Variants in COG6 observed in about 807,000 individuals in gnomAD.
COG6 encodes the protein conserved oligomeric Golgi complex subunit 6.
Under a neutral mutation model 88.8 loss-of-function variants are expected in COG6, and 74 were observed. The ratio of observed to expected loss-of-function variants is 0.83; its 90% CI spans 0.69 to 1.01. COG6 has a LOEUF of 1.01. Ranked by LOEUF, COG6 falls within the 50% of genes least tolerant of loss-of-function variation. The pLI is 0.00. For synonymous variants in COG6, 286 were observed against 278.7 expected, an observed-to-expected ratio of 1.03 and a Z score of -0.26; for missense variants, 800 against 797.9, an observed-to-expected ratio of 1.00 and a Z score of -0.03.
At chr13:39,715,473 A>G (rs941559715) in intron 13 of COG6, among the ~76,000 whole-genome samples, 3 of 152,072 alleles carry the variant, frequency 2.0e-5, no homozygotes, top group African/African-American at 7.2e-5. Context: ...GAACTGACAC[A>G]TAACGTGTTT....
intron 13 of COG6, among the ~76,000 whole-genome samples, chr13:39,710,380 A>G (rs1391697330): frequency 6.6e-6 from 1 of 152,162 alleles, no homozygotes; most frequent in Non-Finnish European, 1.5e-5. Flanking sequence ...AGAGTAAGCC[A>G]TTGAAGATTT....
chr13:39,788,286 A>C (rs1411310329), intron 18 of COG6: 1 of 1,547,288 alleles, frequency 6.5e-7, no homozygotes, highest in Non-Finnish European at 8.7e-7. Context: ...CAAAGCAGGA[A>C]ACTGCACCAT....
chr13:39,662,880 A>G (rs1397157073), intron 3 of COG6, among the ~76,000 whole-genome samples: 1 of 152,082 alleles, frequency 6.6e-6, no homozygotes, highest in Non-Finnish European at 1.5e-5. Context: ...TAAGTTATTC[A>G]TAAAGAAAAG....
At chr13:39,703,549 C>G (rs962793106) in intron 13 of COG6, among the ~76,000 whole-genome samples, 1 of 152,098 alleles carries the variant, frequency 6.6e-6, no homozygotes, top group African/African-American at 2.4e-5. Context: ...TCTGACACAT[C>G]AACTTTTAAT....
downstream of COG6, among the ~76,000 whole-genome samples, chr13:39,753,818 ACT>A (rs1566040664): frequency 6.7e-6 from 1 of 150,066 alleles, no homozygotes; most frequent in African/African-American, 2.5e-5. Flanking sequence ...ATTTTTAAAA[ACT>A]CTCTACTCAG....
intron 18 of COG6, among the ~76,000 whole-genome samples, chr13:39,733,108 A>G (rs1326778197): frequency 6.6e-6 from 1 of 152,088 alleles, no homozygotes; most frequent in Non-Finnish European, 1.5e-5. Context: ...AGTGAAATAA[A>G]TGTTTTGAAA....
At chr13:39,787,112 G>T (rs1881797114) in intron 18 of COG6, among the ~76,000 whole-genome samples, 1 of 152,106 alleles carries the variant, frequency 6.6e-6, no homozygotes, top group African/African-American at 2.4e-5. Flanking sequence ...TTCATTGTGA[G>T]ATTGGCTCAT....
chr13:39,666,245 A>G (rs768557473), intron 4 of COG6, among the ~76,000 whole-genome samples: 2 of 152,102 alleles, frequency 1.3e-5, no homozygotes, highest in Non-Finnish European at 2.9e-5. Context: ...AATAGAAAAT[A>G]GTTTGGGTAG....
intron 13 of COG6, among the ~76,000 whole-genome samples, chr13:39,706,745 G>A (rs1877950999): frequency 6.6e-6 from 1 of 152,074 alleles, no homozygotes; most frequent in African/African-American, 2.4e-5. Context: ...GTTCAGTGGT[G>A]TGATCTCGGC....
intron 18 of COG6, among the ~76,000 whole-genome samples, chr13:39,774,246 A>G (rs1266022817): frequency 6.6e-6 from 1 of 152,194 alleles, no homozygotes; most frequent in East Asian, 1.9e-4. Context: ...GGTAATACAC[A>G]TTTTGAAGTC....
chr13:39,702,483 A>G (rs1877637988), intron 13 of COG6, among the ~76,000 whole-genome samples: 2 of 152,062 alleles, frequency 1.3e-5, no homozygotes. Context: ...CTAAATGAGT[A>G]TATAAAATAA....
intron 18 of COG6, among the ~76,000 whole-genome samples, chr13:39,762,516 T>C (rs942076101): frequency 1.3e-5 from 2 of 151,824 alleles, no homozygotes; most frequent in Non-Finnish European, 3.0e-5. Context: ...TAGAAGATTT[T>C]GAATGTGTCT....
At chr13:39,663,250 A>C (rs944898803) in intron 3 of COG6, among the ~76,000 whole-genome samples, 4 of 152,062 alleles carry the variant, frequency 2.6e-5, no homozygotes, top group Non-Finnish European at 5.9e-5. Context: ...GGAAATATGC[A>C]AAAAAATTAG....
chr13:39,664,098 TA>T (rs1875090035), intron 3 of COG6: 1 of 154,742 alleles, frequency 6.5e-6, no homozygotes, highest in Admixed American at 6.5e-5. Context: ...ATTAGGCCTC[TA>T]AGAACCCAGA....
At chr13:39,730,304 G>A (rs557924940) in intron 18 of COG6, among the ~76,000 whole-genome samples, 216 of 151,938 alleles carry the variant, frequency 1.4e-3, no homozygotes, top group African/African-American at 4.7e-3. Context: ...ATTTACCTCT[G>A]TTTTCATTCA....
intron 11 of COG6, among the ~76,000 whole-genome samples, chr13:39,694,107 A>G (rs549293170): frequency 1.4e-4 from 22 of 151,994 alleles, no homozygotes; most frequent in African/African-American, 4.8e-4. Context: ...CTTGAACTAG[A>G]TCTGATTTTT....
intron 13 of COG6, among the ~76,000 whole-genome samples, chr13:39,707,661 C>T (rs1566189103): frequency 6.6e-6 from 1 of 152,150 alleles, no homozygotes; most frequent in African/African-American, 2.4e-5. Flanking sequence ...TAGATTCATA[C>T]AGTGTATACT....
chr13:39,656,772 A>T (rs189410569), intron 1 of COG6: 70 of 454,752 alleles, frequency 1.5e-4, no homozygotes, highest in Non-Finnish European at 2.6e-4. Context: ...GAACCACTAA[A>T]TGTGTGCATC....
intron 4 of COG6, among the ~76,000 whole-genome samples, chr13:39,667,809 A>G (rs1033712474): frequency 6.6e-6 from 1 of 152,206 alleles, no homozygotes; most frequent in Admixed American, 6.5e-5. Flanking sequence ...AGAATTGTTT[A>G]TTTAGAAGTA....
Sources: allele counts gnomAD v4.1 joint callset (sites outside exome capture counted in the v4.1 genomes callset), GRCh38; gene constraint gnomAD v4.1.1; transcripts MANE v1.5; gene names NCBI Gene and HGNC (gene_info 2026-07-23, HGNC 2026-07-21).